PAK3: variants seen among roughly 807,000 people sequenced by gnomAD.
The protein encoded by PAK3 is serine/threonine-protein kinase PAK 3.
A neutral mutation model predicts 41.0 loss-of-function variants in PAK3; 4 were observed. That is an observed-to-expected ratio of 0.10 (90% CI 0.05 to 0.22). PAK3 has a LOEUF of 0.22. PAK3 is among the 10% of genes least tolerant of loss of function. PAK3 has a pLI of 1.00. For missense variants in PAK3, 205 were observed against 409.9 expected, an observed-to-expected ratio of 0.50 and a Z score of 4.32; for synonymous variants, 146 against 139.6, an observed-to-expected ratio of 1.05 and a Z score of -0.32.
rs1275739344 is a variant in PAK3 at position 111,006,812 on chromosome X, C to CCTTTCTTTCTTTCTTT, written c.-28+62209_-28+62224dup. On this transcript the variant is annotated intron_variant, in intron 1 of 14. Transcript: ENST00000425146. ...AGTGGGACCTGAGAATCTGCATTTC[C>CCTTTCTTTCTTTCTTT]CTTTCTTTCTTTCTTTCTTTCTTTC... 5.1e-3 allele frequency among the ~76,000 whole-genome samples: 281 copies of CCTTTCTTTCTTTCTTT among 54,982 alleles called. 16 individuals are homozygous for CCTTTCTTTCTTTCTTT. Among genetic ancestry groups the CCTTTCTTTCTTTCTTT allele is most frequent in the Middle Eastern group, 0.016 (1 of 63 alleles). The allele number at this position is 54,982 out of a possible 115,157, so 47.7% of individuals were successfully genotyped here.
At chrX:111,154,192 T>C (rs1428843798) in intron 8 of PAK3, among the ~76,000 whole-genome samples, 4 of 111,404 alleles carry the variant, frequency 3.6e-5, no homozygotes, top group African/African-American at 1.3e-4. Context: ...TTTTACAAGA[T>C]GAAAAGAGTT....
rs756021409 is a variant in PAK3, at chrX:110,991,461, G to A, written c.-28+46833G>A. The stretch of plus-strand genomic sequence containing the variant: ...CTTGGTCGAGTCACATCACTTCCTC[G>A]TTTCTCGGTTTCCTGGTCTTTAAAA... On this transcript the variant is annotated intron_variant, in intron 1 of 14. Transcript: ENST00000425146. 3.6e-5 allele frequency among the ~76,000 whole-genome samples: 4 copies of A among 111,346 alleles called. No homozygotes were observed. The East Asian group carries it at 8.5e-4, about 24-fold the overall frequency.
At chrX:111,127,861 A>T (rs1016212533) in intron 5 of PAK3, among the ~76,000 whole-genome samples, 1 of 111,867 alleles carries the variant, frequency 8.9e-6, no homozygotes, top group African/African-American at 3.2e-5. Context: ...TTATGCTATC[A>T]TGTTGTATTT....
chrX:111,185,574 T>TTG (rs1052671507), intron 11 of PAK3, among the ~76,000 whole-genome samples: 1 of 111,470 alleles, frequency 9.0e-6, no homozygotes, highest in African/African-American at 3.3e-5. Flanking sequence ...AATTTTTATA[T>TTG]AAGGTGTAAG....
chrX:110,975,711 A>G (rs995986207), intron 1 of PAK3, among the ~76,000 whole-genome samples: 5 of 111,966 alleles, frequency 4.5e-5, no homozygotes, highest in African/African-American at 1.6e-4. Flanking sequence ...TTCAAACTAT[A>G]CTACAAGGCC....
chrX:111,015,747 C>T (rs1427885514), intron 1 of PAK3, among the ~76,000 whole-genome samples: 1 of 112,048 alleles, frequency 8.9e-6, no homozygotes, highest in East Asian at 2.8e-4. Flanking sequence ...TTGTATATCT[C>T]TTTGGAGAAA....
intron 1 of PAK3, among the ~76,000 whole-genome samples, chrX:111,065,149 A>G (rs1569296641): frequency 8.9e-6 from 1 of 111,940 alleles, no homozygotes. Flanking sequence ...CTCAAGGGGA[A>G]TGCTTCCAGC....
At chrX:111,119,502 GT>G (rs935530926) in intron 4 of PAK3, among the ~76,000 whole-genome samples, 1 of 111,525 alleles carries the variant, frequency 9.0e-6, no homozygotes, top group Non-Finnish European at 1.9e-5. Flanking sequence ...AAGATAAACA[GT>G]TTTTTTTATC....
intron 1 of PAK3, among the ~76,000 whole-genome samples, chrX:111,005,664 G>A (rs1253501874): frequency 2.7e-5 from 3 of 111,462 alleles, no homozygotes; most frequent in African/African-American, 9.8e-5. Flanking sequence ...GGCCCTTATG[G>A]TAAGTGATTT....
At chrX:111,048,062 AC>A (rs1442821281) in intron 1 of PAK3, among the ~76,000 whole-genome samples, 1 of 110,726 alleles carries the variant, frequency 9.0e-6, no homozygotes, top group African/African-American at 3.3e-5. Flanking sequence ...ACAAGCATCT[AC>A]CCCCAGGTAT....
intron 1 of PAK3, among the ~76,000 whole-genome samples, chrX:111,075,658 C>G (rs1456765976): frequency 8.9e-6 from 1 of 112,709 alleles, no homozygotes; most frequent in Non-Finnish European, 1.9e-5. Flanking sequence ...GAGGTTGCAG[C>G]CCACACTCAG....
rs146473143 is a variant in PAK3, at chrX:111,089,555, A to G, written c.-27-33522A>G. On this transcript the variant is annotated intron_variant, in intron 1 of 14. Coordinates refer to the PAK3 transcript ENST00000425146. Reference sequence around the variant, plus strand: ...TTGTTCATCAACAAGATGCCATTTGAGTAGAGTCTGGAAATATGTGTTCAA... The same window carrying G: ...TTGTTCATCAACAAGATGCCATTTGGGTAGAGTCTGGAAATATGTGTTCAA... Among the ~76,000 whole-genome samples the G allele has an allele frequency of 8.6e-3, 958 of 111,517 alleles. 14 individuals carry two copies. Among genetic ancestry groups the G allele is most frequent in the African/African-American group, 0.029 (887 of 30,638 alleles).
chrX:111,079,452 C>T (rs1415873419), intron 1 of PAK3, among the ~76,000 whole-genome samples: 1 of 112,080 alleles, frequency 8.9e-6, no homozygotes, highest in Non-Finnish European at 1.9e-5. Flanking sequence ...CTCTTTACAG[C>T]ATGATTTACT....
At chrX:111,030,533 T>G (rs916502745) in intron 1 of PAK3, among the ~76,000 whole-genome samples, 1 of 111,919 alleles carries the variant, frequency 8.9e-6, no homozygotes, top group African/African-American at 3.2e-5. Context: ...AGCCAAAGAT[T>G]AAACTACTCT....
At chrX:110,980,541 C>G (rs1454626448) in intron 1 of PAK3, among the ~76,000 whole-genome samples, 5 of 111,274 alleles carry the variant, frequency 4.5e-5, no homozygotes, top group African/African-American at 1.6e-4. Flanking sequence ...CAAGGGATAA[C>G]TTTCCCCTTG....
intron 1 of PAK3, among the ~76,000 whole-genome samples, chrX:110,955,677 C>T (rs1036211410): frequency 2.7e-5 from 3 of 111,902 alleles, no homozygotes; most frequent in Non-Finnish European, 5.6e-5. Context: ...CAAGAAACTA[C>T]GGTCTTGTAA....
At chrX:111,137,353 C>T (rs2093804594) in intron 5 of PAK3, among the ~76,000 whole-genome samples, 1 of 111,249 alleles carries the variant, frequency 9.0e-6, no homozygotes, top group South Asian at 3.8e-4. Context: ...AGTCATTGTT[C>T]TCAGTCCCAG....
At chrX:111,154,116 A>G (rs1262333195) in intron 8 of PAK3, among the ~76,000 whole-genome samples, 4 of 111,684 alleles carry the variant, frequency 3.6e-5, no homozygotes, top group Non-Finnish European at 7.5e-5. Flanking sequence ...CAGAAAGTAG[A>G]ATACTAGTTG....
At chrX:111,127,664 A>T (rs1220964201) in intron 5 of PAK3, among the ~76,000 whole-genome samples, 2 of 110,895 alleles carry the variant, frequency 1.8e-5, no homozygotes, top group Admixed American at 1.9e-4. Context: ...GAAGTCTGGG[A>T]CTGATCAGGT....
Sources: allele counts gnomAD v4.1 joint callset (sites outside exome capture counted in the v4.1 genomes callset), GRCh38; gene constraint gnomAD v4.1.1; transcripts MANE v1.5; gene names NCBI Gene and HGNC (gene_info 2026-07-23, HGNC 2026-07-21).